The following ADCY6 variants were observed in gnomAD, a reference collection of about 807,000 sequenced individuals.
ADCY6 encodes adenylate cyclase type 6.
A neutral mutation model predicts 111.6 loss-of-function variants in ADCY6; 59 were observed. That is an observed-to-expected ratio of 0.53 (90% confidence interval 0.43 to 0.66). The LOEUF (loss-of-function observed/expected upper bound fraction) is 0.66, where lower values mean the gene tolerates loss of function less well. Ranked by LOEUF, ADCY6 falls within the 30% of genes least tolerant of loss-of-function variation. The pLI is 0.00. For missense variants in ADCY6, 1,242 were observed against 1,595.6 expected (o/e 0.78, Z 3.78); for synonymous variants, 576 against 642.9 (o/e 0.90, Z 1.57).
intron 1 of ADCY6, among the ~76,000 whole-genome samples, chr12:48,784,861 T>G (rs1464302354): frequency 6.6e-6 from 1 of 152,020 alleles, no homozygotes; most frequent in Non-Finnish European, 1.5e-5. Context: ...GAGACGGAGT[T>G]TCACTGTGTT....
Position 48,782,446 on chromosome 12 carries a change from C to T in ADCY6, c.864+125G>A, listed in dbSNP as rs1303623708. ...TCCTGCTCCTCCTCCCAGATACAGC[C>T]AGACATCCCTGCACCCAGCTTCCAC... On this transcript the variant is annotated intron_variant, in intron 2 of 21. Coordinates refer to ENST00000357869, the MANE Select transcript of ADCY6 (RefSeq NM_015270.5). The surrounding 1 kb of genome is among the most constrained non-coding windows in gnomAD (Gnocchi z 4.3). The T allele has an allele frequency of 3.3e-5, 48 of 1,449,688 alleles. No individual in the cohort carries two copies. Among genetic ancestry groups the T allele is most frequent in the Non-Finnish European group, 4.2e-5 (46 of 1,099,362 alleles). 89.8% of individuals were successfully genotyped at this position (1,449,688 alleles called of 1,614,324 possible).
Position 48,782,934 on chromosome 12 carries a change from C to T in ADCY6, c.501G>A (p.Leu167=), listed in dbSNP as rs1202640192. 4 of 1,613,374 alleles carry T rather than the reference C, an allele frequency of 2.5e-6. No homozygotes were observed. Among genetic ancestry groups the T allele is most frequent in the Non-Finnish European group, 3.4e-6 (4 of 1,179,924 alleles). The change falls in exon 2 of 22, where the codon CTG becomes CTA. Residue 167 remains leucine (L), a synonymous_variant. Coordinates refer to ENST00000357869, the MANE Select transcript of ADCY6 (RefSeq NM_015270.5). The surrounding 1 kb of genome is among the most constrained non-coding windows in gnomAD (Gnocchi z 4.3). ...AVLVLLTAVL[L]AFHAAPARPQ... is the part of the protein sequence containing the mutation. ...GGCGGGCGGGTGCGGCGTGGAAAGC[C>T]AGCAGCACCGCTGTGAGCAGCACCA...
intron 20 of ADCY6, 114 bp from the exon 21 acceptor site, chr12:48,769,175 A>G: frequency 1.7e-6 from 2 of 1,170,778 alleles, no homozygotes; most frequent in Non-Finnish European, 2.3e-6. Flanking sequence ...AAAAAGGACA[A>G]GTCTCCTGGT....
rs1337428328 is a variant in ADCY6 at position 48,766,876 on chromosome 12, AC to A, written c.*1714del. 4 of 152,350 alleles carry A rather than the reference AC, an allele frequency of 2.6e-5. No individual in the cohort carries two copies. The highest frequency in any genetic ancestry group is 6.5e-5 in the Admixed American group (1 of 15,278). The allele number at this position is 152,350 out of a possible 1,614,324, so 9.4% of individuals were successfully genotyped here. A position where few individuals can be genotyped will look rare whatever the true frequency, so the allele number is the denominator to read the frequency against. ...GGCTTAAATAGGTACAGACAGAGAA[AC>A]TGAGGCACCAACAAATTCAGGCCAG... On this transcript the variant is annotated 3_prime_UTR_variant, in exon 22 of 22. Transcript: ENST00000357869.
Position 48,775,714 on chromosome 12 carries a change from G to A in ADCY6, c.1807-16C>T, listed in dbSNP as rs747051765. The A allele has an allele frequency of 3.7e-6, 6 of 1,612,840 alleles. No homozygotes were observed. The highest frequency in any genetic ancestry group is 5.1e-6 in the Non-Finnish European group (6 of 1,179,098). On this transcript the variant is annotated splice_polypyrimidine_tract_variant and intron_variant, in intron 9 of 21. Transcript: ENST00000357869. ...CATCAATGCCCTGGAGAAAGGGACAGAGTGTGGAGTGAGGTGAAGGGCCAA... is the reference window on the plus strand; with the variant it reads ...CATCAATGCCCTGGAGAAAGGGACAAAGTGTGGAGTGAGGTGAAGGGCCAA...
chr12:48,775,934 C>T (rs999071023), intron 9 of ADCY6, 29 bp downstream of exon 9: 7 of 1,579,490 alleles, frequency 4.4e-6, no homozygotes, highest in Non-Finnish European at 6.0e-6. Context: ...GAAAATGAGG[C>T]CCTAGGTCTG....
At chr12:48,789,869 C>T (rs1942053451), upstream of ADCY6, 1 of 152,146 alleles carries the variant, frequency 6.6e-6, no homozygotes, top group South Asian at 2.1e-4. Flanking sequence ...CACCTGCCAA[C>T]TTGCAGCCTC....
chr12:48,775,590 G>A, intron 10 of ADCY6, 83 bp downstream of exon 10: 2 of 1,584,730 alleles, frequency 1.3e-6, no homozygotes, highest in Non-Finnish European at 1.7e-6. Context: ...CACTCCTAAG[G>A]TCAGGGAAAA....
chr12:48,779,797 C>T (rs1444885135), intron 2 of ADCY6, among the ~76,000 whole-genome samples: 1 of 152,196 alleles, frequency 6.6e-6, no homozygotes. Flanking sequence ...GCCAGAGGTT[C>T]TGGGCTCTAA....
chr12:48,769,244 CA>C (rs370839871), intron 20 of ADCY6, among the ~76,000 whole-genome samples, 183 bp from the exon 21 acceptor site: 12 of 146,458 alleles, frequency 8.2e-5, no homozygotes, highest in Non-Finnish European at 1.2e-4. Context: ...CCTATCTTTA[CA>C]AAAAAAAAAT....
In ADCY6 at chr12:48,774,108, T is replaced by A. The variant is rs1270568442; in HGVS notation, c.2284-10A>T. On this transcript the variant is annotated splice_polypyrimidine_tract_variant and intron_variant, in intron 14 of 21. Coordinates refer to ENST00000357869, the MANE Select transcript of ADCY6 (RefSeq NM_015270.5). ...TGTGGTTACAGGTGAACTGCAAAAG[T>A]GGAGGGGTATATCAGGGTAACCAAG... is the stretch of plus-strand genomic sequence containing the variant. 1.9e-6 allele frequency: 3 copies of A among 1,602,288 alleles called. No homozygotes were observed. Among genetic ancestry groups the A allele is most frequent in the Non-Finnish European group, 2.6e-6 (3 of 1,173,610 alleles).
chr12:48,775,717 T>G lies in ADCY6; in HGVS notation c.1807-19A>C. ...CAATGCCCTGGAGAAAGGGACAGAG[T>G]GTGGAGTGAGGTGAAGGGCCAACAA... On this transcript the variant is annotated intron_variant, in intron 9 of 21. Transcript: ENST00000357869. The G allele has an allele frequency of 6.2e-7, 1 of 1,612,410 alleles. No homozygotes were observed. The highest frequency in any genetic ancestry group is 8.5e-7 in the Non-Finnish European group (1 of 1,178,976).
chr12:48,767,541 GCA>G lies in ADCY6; in HGVS notation c.*1048_*1049del, dbSNP rs1482101732. 1 of 152,728 alleles carries G rather than the reference GCA, an allele frequency of 6.5e-6. No individual in the cohort carries two copies. Among genetic ancestry groups the G allele is most frequent in the Admixed American group, 6.5e-5 (1 of 15,270 alleles). The allele number at this position is 152,728 out of a possible 1,614,324, so 9.5% of individuals were successfully genotyped here. The stretch of plus-strand genomic sequence containing the variant: ...CAGATATGCACACAAAGACCAACAT[GCA>G]CACACAGTTACACAAACACACGGGC... On this transcript the variant is annotated 3_prime_UTR_variant, in exon 22 of 22. Transcript: ENST00000357869.
At chr12:48,773,753 C>T (rs548886684) in intron 15 of ADCY6, 106 bp from the exon 16 acceptor site, 49 of 1,478,192 alleles carry the variant, frequency 3.3e-5, no homozygotes, top group Non-Finnish European at 4.5e-5. Flanking sequence ...CCACCACACC[C>T]CTCAAACCCC....
chr12:48,775,920 C>A, intron 9 of ADCY6, 43 bp downstream of exon 9: 1 of 1,569,662 alleles, frequency 6.4e-7, no homozygotes, highest in Non-Finnish European at 8.6e-7. Context: ...ATTGAGGGAG[C>A]TAAGAAAATG....
intron 1 of ADCY6, chr12:48,783,882 A>G (rs977182715): frequency 6.0e-6 from 1 of 168,064 alleles, no homozygotes; most frequent in African/African-American, 2.4e-5. Flanking sequence ...CAGGAGTTCA[A>G]GACCAGCCTG....
intron 2 of ADCY6, among the ~76,000 whole-genome samples, chr12:48,780,377 G>A (rs571419446): frequency 2.6e-5 from 4 of 152,264 alleles, no homozygotes; most frequent in South Asian, 2.1e-4. Context: ...CCAAGTAGAC[G>A]AGGAAGGAGG....
chr12:48,783,776 C>G (rs1056781413), intron 1 of ADCY6: 5 of 288,156 alleles, frequency 1.7e-5, no homozygotes, highest in Non-Finnish European at 3.2e-5. Context: ...GACCCTGCCT[C>G]TATTAAAATT....
Position 48,777,814 on chromosome 12 carries a change from C to T in ADCY6, c.1015-78G>A. ...ATCCCTCCTGGTCTCTCCACATCGC[C>T]AGAGCCCTCCTAGACTTCTCTGAAG... On this transcript the variant is annotated intron_variant, in intron 3 of 21. Transcript: ENST00000357869. The surrounding 1 kb of genome is among the most constrained non-coding windows in gnomAD (Gnocchi z 4.9). The T allele has an allele frequency of 6.3e-7, 1 of 1,576,932 alleles. No individual in the cohort carries two copies. Among genetic ancestry groups the T allele is most frequent in the Non-Finnish European group, 8.6e-7 (1 of 1,162,206 alleles).
Sources: allele counts gnomAD v4.1 joint callset (sites outside exome capture counted in the v4.1 genomes callset), GRCh38; gene constraint gnomAD v4.1.1; non-coding constraint Gnocchi (gnomAD v3.1); transcripts MANE v1.5; gene names NCBI Gene and HGNC (gene_info 2026-07-23, HGNC 2026-07-21).